The following ARMH3 variants were observed in gnomAD, a reference collection of about 807,000 sequenced individuals.
ARMH3 encodes the protein armadillo like helical domain containing 3.
Under a neutral mutation model 99.1 loss-of-function variants are expected in ARMH3, and 60 were observed. That is an observed-to-expected ratio of 0.61 (90% CI 0.49 to 0.75). ARMH3 has a LOEUF of 0.75. Ranked by LOEUF, ARMH3 falls within the 30% of genes least tolerant of loss-of-function variation. The probability of loss-of-function intolerance (pLI) is 0.00; values close to 1 mark genes in which losing one functional copy is unlikely to be tolerated. For synonymous variants in ARMH3, 285 were observed against 292.8 expected, an observed-to-expected ratio of 0.97 and a Z score of 0.27; for missense variants, 679 against 843.1, an observed-to-expected ratio of 0.81 and a Z score of 2.41.
chr10:101,932,102 T>C (rs1462983085), intron 23 of ARMH3, among the ~76,000 whole-genome samples: 2 of 152,096 alleles, frequency 1.3e-5, no homozygotes, highest in African/African-American at 2.4e-5. Context: ...AAGACTTCAA[T>C]AGACATTTCT....
intron 8 of ARMH3, among the ~76,000 whole-genome samples, chr10:102,019,112 G>A (rs1324876021): frequency 6.6e-6 from 1 of 151,822 alleles, no homozygotes; most frequent in African/African-American, 2.4e-5. Flanking sequence ...GTAGTGGTGC[G>A]ATCTCAGCTC....
intron 24 of ARMH3, among the ~76,000 whole-genome samples, chr10:101,871,377 TA>T (rs563725142): frequency 1.1e-4 from 16 of 151,798 alleles, no homozygotes; most frequent in African/African-American, 3.1e-4. Context: ...CAAAAACATT[TA>T]AAAAAAACAA....
chr10:101,917,204 T>C (rs1330982310), intron 23 of ARMH3, among the ~76,000 whole-genome samples: 2 of 152,212 alleles, frequency 1.3e-5, no homozygotes, highest in African/African-American at 4.8e-5. Flanking sequence ...ACAGTCAAGA[T>C]ACAGAACAGT....
intron 18 of ARMH3, among the ~76,000 whole-genome samples, chr10:101,991,296 C>A (rs1846778996): frequency 6.6e-6 from 1 of 152,158 alleles, no homozygotes; most frequent in African/African-American, 2.4e-5. Context: ...GTTTAATATA[C>A]TCAGGGGAAG....
intron 2 of ARMH3, among the ~76,000 whole-genome samples, chr10:102,038,348 C>T (rs777177945): frequency 2.6e-5 from 4 of 152,070 alleles, no homozygotes; most frequent in African/African-American, 7.2e-5. Context: ...CCCACCTCGG[C>T]CTCCCAAAGT....
chr10:102,023,518 C>G lies in ARMH3; in HGVS notation c.628G>C (p.Val210Leu), dbSNP rs1333213429. 1.2e-6 allele frequency: 2 copies of G among 1,614,138 alleles called. No individual in the cohort carries two copies. The highest frequency in any genetic ancestry group is 1.3e-5 in the African/African-American group (1 of 75,040). ...TTCACCAGCAAAGCCAAGAGGACGA[C>G]AGCATCATACCCATGCTCCCTACGA... ...PSRREHGYDA[V>L]VLLALLVNYR... is the part of the protein sequence containing the mutation. The change falls in exon 8 of 26, where the codon GTC becomes CTC. Residue 210 changes from valine (V) to leucine (L), a missense_variant. Physicochemically the swap from Val to Leu is conservative, Grantham distance 32. Around this residue, in one of 3 missense-constraint regions of ARMH3, gnomAD observed 280 missense variants for 354.6 expected, o/e 0.79. Coordinates refer to ENST00000370033, the MANE Select transcript of ARMH3 (RefSeq NM_024541.3).
At chr10:101,981,123 C>T (rs1846210201) in intron 19 of ARMH3, among the ~76,000 whole-genome samples, 3 of 151,414 alleles carry the variant, frequency 2.0e-5, no homozygotes, top group South Asian at 4.2e-4. Flanking sequence ...ACGCATATAC[C>T]TATGTAACAA....
At chr10:101,850,029 G>A in intron 24 of ARMH3, 137 bp from the exon 25 acceptor site, 1 of 561,074 alleles carries the variant, frequency 1.8e-6, no homozygotes. Flanking sequence ...TTATCTTCCA[G>A]AAAACAGCCT....
chr10:101,959,731 C>T (rs921650456), intron 20 of ARMH3, among the ~76,000 whole-genome samples: 4 of 152,242 alleles, frequency 2.6e-5, no homozygotes, highest in African/African-American at 9.6e-5. Flanking sequence ...CCAACTGCCA[C>T]AGGCATTAGC....
intron 23 of ARMH3, among the ~76,000 whole-genome samples, chr10:101,923,766 TG>T (rs1056344488): frequency 6.6e-6 from 1 of 152,226 alleles, no homozygotes; most frequent in Non-Finnish European, 1.5e-5. Context: ...GTTGCGGTTT[TG>T]GGAGAGTAGG....
In ARMH3 at chr10:102,025,131, C is replaced by A. The variant is rs1269841897; in HGVS notation, c.507+25G>T. ...GGATTGCCCCTCCTGTCAATTAATA[C>A]CCTTGACAAACATAGGTCACTTACG... On this transcript the variant is annotated intron_variant, in intron 6 of 25. Coordinates refer to ENST00000370033, the MANE Select transcript of ARMH3 (RefSeq NM_024541.3). 8 of 1,571,552 alleles carry A rather than the reference C, an allele frequency of 5.1e-6. No individual in the cohort carries two copies. The South Asian group carries it at 7.8e-5, about 15-fold the overall frequency.
chr10:101,987,191 C>T (rs1320016356), intron 19 of ARMH3, among the ~76,000 whole-genome samples: 1 of 151,916 alleles, frequency 6.6e-6, no homozygotes, highest in East Asian at 1.9e-4. Context: ...TTTTTCTACT[C>T]TCTTATCCTC....
chr10:101,936,702 A>G (rs117109786), intron 23 of ARMH3, among the ~76,000 whole-genome samples: 3,011 of 152,272 alleles, frequency 0.02, 46 homozygotes, highest in Non-Finnish European at 0.032. Context: ...AGGTATCTGT[A>G]TACCCATGTT....
intron 24 of ARMH3, among the ~76,000 whole-genome samples, chr10:101,864,014 T>C (rs981455616): frequency 2.2e-5 from 3 of 136,820 alleles, no homozygotes; most frequent in Non-Finnish European, 4.5e-5. Flanking sequence ...TGAGACAAGA[T>C]AGTGCCACTA....
Position 102,001,970 on chromosome 10 carries a change from C to T in ARMH3, c.1150+1G>A. 6.2e-7 allele frequency: 1 copy of T among 1,613,886 alleles called. No homozygotes were observed. Among genetic ancestry groups the T allele is most frequent in the Non-Finnish European group, 8.5e-7 (1 of 1,179,830 alleles). Reference sequence around the variant, plus strand: ...GAGCCCCCAAAATAGCTATGGCTTACCTTTGGTGTCCTGCATGACAATTGA... The same window carrying T: ...GAGCCCCCAAAATAGCTATGGCTTATCTTTGGTGTCCTGCATGACAATTGA... On this transcript the variant is annotated splice_donor_variant, in intron 15 of 25. Coordinates refer to ENST00000370033, the MANE Select transcript of ARMH3 (RefSeq NM_024541.3). LOFTEE classifies it high-confidence loss of function.
intron 6 of ARMH3, 42 bp from the exon 7 acceptor site, chr10:102,023,791 T>C (rs1008884033): frequency 6.5e-7 from 1 of 1,550,054 alleles, no homozygotes; most frequent in Non-Finnish European, 8.9e-7. Flanking sequence ...TTCTGAGGTA[T>C]TCTGATATCT....
intron 19 of ARMH3, among the ~76,000 whole-genome samples, chr10:101,986,045 T>C (rs1564822398): frequency 6.6e-6 from 1 of 151,104 alleles, no homozygotes; most frequent in Non-Finnish European, 1.5e-5. Flanking sequence ...TGAAATAAAA[T>C]ACACACACAC....
intron 20 of ARMH3, among the ~76,000 whole-genome samples, chr10:101,967,429 C>T (rs939546672): frequency 5.9e-5 from 9 of 152,268 alleles, no homozygotes; most frequent in Non-Finnish European, 1.2e-4. Flanking sequence ...AAGCCAACAC[C>T]TGCCAGTAGA....
At chr10:102,049,026 G>A (rs960508704) in intron 1 of ARMH3, among the ~76,000 whole-genome samples, 1 of 150,800 alleles carries the variant, frequency 6.6e-6, no homozygotes, top group Middle Eastern at 3.2e-3. Context: ...TGTGAAGAAT[G>A]TGGGCATCAT....
Sources: gnomAD v4.1 joint callset for allele counts (sites outside exome capture counted in the v4.1 genomes callset) on GRCh38, gnomAD v4.1.1 for gene constraint, gnomAD v4.1.1 regional missense constraint, MANE v1.5 for transcripts, NCBI Gene and HGNC (gene_info 2026-07-23, HGNC 2026-07-21) for gene names.